Variants in VPS13C observed in about 807,000 individuals in gnomAD.
VPS13C encodes the protein vacuolar protein sorting 13 homolog C.
Under a neutral mutation model 456.8 loss-of-function variants are expected in VPS13C, and 358 were observed. The ratio of observed to expected loss-of-function variants is 0.78; its 90% CI spans 0.72 to 0.86. VPS13C has a LOEUF of 0.86. Among genes scored for constraint, VPS13C ranks in the 40% least tolerant of loss-of-function variants. The pLI, the probability that VPS13C is intolerant of heterozygous loss-of-function variation, is 0.00. For missense variants in VPS13C, 4,818 were observed against 4,385.4 expected (o/e 1.10, Z -2.79); for synonymous variants, 1,578 against 1,486.7 (o/e 1.06, Z -1.41).
intron 67 of VPS13C, among the ~76,000 whole-genome samples, chr15:61,889,153 G>T (rs1290481973): frequency 6.6e-6 from 1 of 151,892 alleles, no homozygotes; most frequent in African/African-American, 2.4e-5. Flanking sequence ...ATAAATAAAG[G>T]TAAACCTGAC....
intron 18 of VPS13C, among the ~76,000 whole-genome samples, chr15:61,987,122 C>T (rs2046080282): frequency 6.7e-6 from 1 of 150,050 alleles, no homozygotes; most frequent in Non-Finnish European, 1.5e-5. Context: ...TAATCTCTAA[C>T]AAAAGCAGCA....
intron 5 of VPS13C, 113 bp downstream of exon 5, chr15:62,033,328 T>A (rs1437527711): frequency 1.2e-5 from 7 of 576,580 alleles, no homozygotes; most frequent in East Asian, 3.5e-5. Flanking sequence ...TAAAAAAAAA[T>A]TATGTCTTTA....
rs373019503 is a variant in VPS13C at position 62,016,468 on chromosome 15, G to T, written c.685-2476C>A. Among the ~76,000 whole-genome samples, 4 of 128,804 alleles carry T rather than the reference G, an allele frequency of 3.1e-5. No homozygotes were observed. The East Asian group carries it at 9.2e-4, about 29-fold the overall frequency. The allele number at this position is 128,804 out of a possible 152,430, so 84.5% of individuals were successfully genotyped here. On this transcript the variant is annotated intron_variant, in intron 9 of 84. Coordinates refer to ENST00000644861, the MANE Select transcript of VPS13C (RefSeq NM_020821.3). ...CCCAGTGTGTGATATTCCCCTTCCT[G>T]TGTCCAAGTGTTCTCATTGTTCAAT...
chr15:61,957,376 C>A (rs1379728839), intron 37 of VPS13C, among the ~76,000 whole-genome samples: 1 of 152,052 alleles, frequency 6.6e-6, no homozygotes, highest in African/African-American at 2.4e-5. Context: ...TGTATTATAT[C>A]TTGATCATGG....
chr15:61,882,754 GT>G lies in VPS13C; in HGVS notation c.9484-19del. On this transcript the variant is annotated intron_variant, in intron 68 of 84. Transcript: ENST00000644861. The stretch of plus-strand genomic sequence containing the variant: ...AAATTGACCTAGAAAAAAAGCACAT[GT>G]TTTTGTGATGAGCTGATATTAGCAC... The G allele has an allele frequency of 6.3e-7, 1 of 1,576,460 alleles. No individual in the cohort carries two copies.
At chr15:61,999,131 C>T (rs1275905372) in intron 16 of VPS13C, among the ~76,000 whole-genome samples, 1 of 152,124 alleles carries the variant, frequency 6.6e-6, no homozygotes, top group East Asian at 1.9e-4. Context: ...GTAATCCCAG[C>T]ACTTTGGGAG....
chr15:61,964,408 G>A (rs2045314907), intron 31 of VPS13C, among the ~76,000 whole-genome samples: 1 of 151,874 alleles, frequency 6.6e-6, no homozygotes, highest in Admixed American at 6.6e-5. Context: ...GCCCCTTCAG[G>A]AGCCACTGAG....
At chr15:61,955,178 A>C (rs2044944871) in intron 37 of VPS13C, among the ~76,000 whole-genome samples, 1 of 152,204 alleles carries the variant, frequency 6.6e-6, no homozygotes, top group Non-Finnish European at 1.5e-5. Flanking sequence ...AACAGCTATC[A>C]CTTGCTAAGT....
intron 2 of VPS13C, among the ~76,000 whole-genome samples, chr15:62,042,814 T>C (rs1188106617): frequency 6.6e-6 from 1 of 151,918 alleles, no homozygotes; most frequent in Non-Finnish European, 1.5e-5. Context: ...ATACCTAATG[T>C]AAATGACAAG....
rs1055711644 is a variant in VPS13C at position 61,927,283 on chromosome 15, C to T, written c.6324G>A (p.Met2108Ile). 3.1e-6 allele frequency: 5 copies of T among 1,614,150 alleles called. No individual in the cohort carries two copies. The highest frequency in any genetic ancestry group is 3.4e-6 in the Non-Finnish European group (4 of 1,180,018). ...SVRPNMTLKA[M>I]ITDPEVVFVA... ...CAAATACCACTTCTGGATCTGTGAT[C>T]ATGGCCTTTAAAGTCATATTTGGTC... The change falls in exon 52 of 85, where the codon ATG becomes ATA. Residue 2108 changes from methionine (M) to isoleucine (I), a missense_variant. Around this residue, in one of 3 missense-constraint regions of VPS13C, gnomAD observed 4,552 missense variants for 4,130.6 expected, o/e 1.10. Transcript: ENST00000644861.
In VPS13C at chr15:61,961,718, T is replaced by C. The variant is rs746553112; in HGVS notation, c.3779A>G (p.Asn1260Ser). 29 of 1,613,928 alleles carry C rather than the reference T, an allele frequency of 1.8e-5. No homozygotes were observed. Among genetic ancestry groups the C allele is most frequent in the Middle Eastern group, 3.3e-4 (2 of 6,082 alleles). ...TAACCCAAGATCTACCACTACTGCA[T>C]TGGTGGAAATAGAAGACTGTGGGAT... ...IVIPQSSIST[N>S]AVVVDLGLIR... Residue 1260 changes from asparagine to serine, a missense_variant, in exon 35 of 85, where the codon AAT (asparagine) becomes AGT (serine). Around this residue, in one of 3 missense-constraint regions of VPS13C, gnomAD observed 4,552 missense variants for 4,130.6 expected, o/e 1.10. Transcript: ENST00000644861.
chr15:61,939,300 T>A (rs2044334190), intron 47 of VPS13C, among the ~76,000 whole-genome samples: 1 of 152,172 alleles, frequency 6.6e-6, no homozygotes. Flanking sequence ...GTACCCATAC[T>A]CTGGAATAAA....
At position 61,945,606 on chromosome 15, in the gene VPS13C, G is replaced by A; in HGVS notation, c.5148+109C>T. 4.0e-6 allele frequency: 3 copies of A among 747,082 alleles called. No homozygotes were observed. In the South Asian group the frequency reaches 8.5e-5, roughly 21 times the overall value. 46.3% of individuals were successfully genotyped at this position (747,082 alleles called of 1,614,324 possible). Reference sequence around the variant, plus strand: ...TATTAACATTCTGTTCAGCACTCAGGTGCTCATCACACAGCCTTATCAGTG... The same window carrying A: ...TATTAACATTCTGTTCAGCACTCAGATGCTCATCACACAGCCTTATCAGTG... On this transcript the variant is annotated intron_variant, in intron 45 of 84. Transcript: ENST00000644861.
Position 61,929,539 on chromosome 15 carries a change from G to A in VPS13C, c.6248C>T (p.Pro2083Leu), listed in dbSNP as rs2043983619. Reference protein sequence around the residue: ...ENVAKETQILPRQTATGKVKI... With the variant: ...ENVAKETQILLRQTATGKVKI... The stretch of plus-strand genomic sequence containing the variant: ...GACCTTCCCTGTGGCAGTCTGTCTT[G>A]GTAAAATCTGTGTTTCTTTTGCCAC... Residue 2083 changes from proline (P) to leucine (L), a missense_variant, in exon 51 of 85, where the codon CCA becomes CTA. Transcript: ENST00000644861. The A allele has an allele frequency of 1.2e-6, 2 of 1,613,908 alleles. No individual in the cohort carries two copies. The highest frequency in any genetic ancestry group is 1.7e-6 in the Non-Finnish European group (2 of 1,179,960).
intron 16 of VPS13C, among the ~76,000 whole-genome samples, chr15:61,992,590 A>G (rs1226874998): frequency 1.3e-5 from 2 of 152,162 alleles, no homozygotes; most frequent in Non-Finnish European, 2.9e-5. Flanking sequence ...TAGTAAAGAG[A>G]ACAGGTTTGA....
intron 37 of VPS13C, among the ~76,000 whole-genome samples, chr15:61,957,828 AAATT>A (rs1383944888): frequency 1.3e-5 from 2 of 152,174 alleles, no homozygotes; most frequent in African/African-American, 2.4e-5. Context: ...CTTGCTAAAT[AAATT>A]ATGATGCTTC....
chr15:61,922,879 T>TTAA, intron 53 of VPS13C, 117 bp from the exon 54 acceptor site: 1 of 865,034 alleles, frequency 1.2e-6, no homozygotes, highest in East Asian at 3.4e-5. Context: ...AAATTAAATT[T>TTAA]TAATTTTAAA....
intron 55 of VPS13C, among the ~76,000 whole-genome samples, chr15:61,921,113 T>A (rs560182962): frequency 6.6e-6 from 1 of 152,132 alleles, no homozygotes; most frequent in Non-Finnish European, 1.5e-5. Flanking sequence ...TCAGATTCCA[T>A]CAGCTTCTGT....
At position 61,934,283 on chromosome 15, in the gene VPS13C, C is replaced by A. The variant is rs1276633482; in HGVS notation, c.5804G>T (p.Ser1935Ile). 6.3e-7 allele frequency: 1 copy of A among 1,597,200 alleles called. No individual in the cohort carries two copies. The highest frequency in any genetic ancestry group is 1.1e-5 in the South Asian group (1 of 88,068). Residue 1935 changes from serine (S) to isoleucine (I), a missense_variant, in exon 49 of 85, where the codon AGT becomes ATT. By Grantham distance (142) the Ser-to-Ile change is moderately radical (BLOSUM62 -2). Around this residue, in one of 3 missense-constraint regions of VPS13C, gnomAD observed 4,552 missense variants for 4,130.6 expected, o/e 1.10. Coordinates refer to ENST00000644861, the MANE Select transcript of VPS13C (RefSeq NM_020821.3). ...TTCAAAGTGAAAGTCAAATTGGAGA[C>A]TGACAATCTGGTTCATAGAGAGCTT... ...DSKLSMNQIV[S>I]LQFDFHFESL...
Sources: allele counts gnomAD v4.1 joint callset (sites outside exome capture counted in the v4.1 genomes callset), GRCh38; gene constraint gnomAD v4.1.1; regional missense constraint gnomAD v4.1.1; transcripts MANE v1.5; gene names NCBI Gene and HGNC (gene_info 2026-07-23, HGNC 2026-07-21).